The following JAKMIP1 variants were observed in gnomAD, a reference collection of about 807,000 sequenced individuals.
The protein encoded by JAKMIP1 is janus kinase and microtubule-interacting protein 1.
In JAKMIP1, 33 loss-of-function variants were observed where a neutral mutation model predicts 113.0. The ratio of observed to expected loss-of-function variants is 0.29; its 90% CI spans 0.22 to 0.39. JAKMIP1 has a LOEUF of 0.39. Among genes scored for constraint, JAKMIP1 ranks in the 10% least tolerant of loss-of-function variants. The pLI is 1.00. For synonymous variants in JAKMIP1, 480 were observed against 459.9 expected (o/e 1.04, Z -0.56); for missense variants, 813 against 1,080.5 (o/e 0.75, Z 3.47).
intron 3 of JAKMIP1, among the ~76,000 whole-genome samples, chr4:6,098,611 GAAAGAA>G (rs71173405): frequency 0.043 from 5,991 of 137,944 alleles, 138 homozygotes; most frequent in South Asian, 0.055. Context: ...AGGAAGAAAA[GAAAGAA>G]AAAGAAAAAG....
rs1000544243 is a variant in JAKMIP1 at position 6,104,418 on chromosome 4, G to A, written c.624+1055C>T. On this transcript the variant is annotated intron_variant, in intron 3 of 20. Transcript: ENST00000409021. ...CACTGAATTGACCCTTTATTATTAAGAACTGTCCTTTTGTGTCTTTAGTAT... is the reference window on the plus strand; with the variant it reads ...CACTGAATTGACCCTTTATTATTAAAAACTGTCCTTTTGTGTCTTTAGTAT... Among the ~76,000 whole-genome samples, 7 of 152,276 alleles carry A rather than the reference G, an allele frequency of 4.6e-5. No homozygotes were observed. The East Asian group carries it at 1.4e-3, about 29-fold the overall frequency.
intron 16 of JAKMIP1, among the ~76,000 whole-genome samples, chr4:6,046,549 CTTGGGGAGG>C (rs991950586): frequency 4.1e-5 from 6 of 147,656 alleles, no homozygotes; most frequent in African/African-American, 1.5e-4. Flanking sequence ...GGCTGACCAG[CTTGGGGAGG>C]TTGGTGGTCA....
chr4:6,060,584 T>C lies in JAKMIP1; in HGVS notation c.1561-77A>G, dbSNP rs76103297. On this transcript the variant is annotated intron_variant, in intron 10 of 20. Coordinates refer to ENST00000409021, the MANE Select transcript of JAKMIP1 (RefSeq NM_001099433.2). ...GGAAGCGGAAAGCGTCATGCCCCAA[T>C]GCAAGCAATGCCTAGGGTCCTTATA... The C allele has an allele frequency of 2.0e-3, 2,018 of 1,034,236 alleles. 18 individuals carry two copies. In the African/African-American group the frequency reaches 0.027, roughly 14 times the overall value. 64.1% of individuals were successfully genotyped at this position (1,034,236 alleles called of 1,614,324 possible). A position where few individuals can be genotyped will look rare whatever the true frequency, so the allele number is the denominator to read the frequency against.
In JAKMIP1 at chr4:6,042,726, G is replaced by C. The variant is rs1321188491; in HGVS notation, c.2029-499C>G. On this transcript the variant is annotated intron_variant, in intron 16 of 20. Transcript: ENST00000409021. This position sits in a 1 kb window ranked among gnomAD's most constrained non-coding sequence, Gnocchi z 5.2. ...ATGGAGATTTGGAACCCAGCCTGCA[G>C]GATGCCAAAGCCACTGCCCTCATCC... 1.3e-5 allele frequency among the ~76,000 whole-genome samples: 2 copies of C among 152,084 alleles called. No individual in the cohort carries two copies. Among genetic ancestry groups the C allele is most frequent in the African/African-American group, 2.4e-5 (1 of 41,402 alleles).
rs1725381908 is a variant in JAKMIP1, at chr4:6,176,724, G to C, written c.-148+23529C>G. Reference sequence around the variant, plus strand: ...CAGCCTGTGTGGCCAGCAAGAAATTGGAGCCTATATCAAAGTGGTGGGAAA... The same window carrying C: ...CAGCCTGTGTGGCCAGCAAGAAATTCGAGCCTATATCAAAGTGGTGGGAAA... On this transcript the variant is annotated intron_variant, in intron 1 of 20. Transcript: ENST00000409021. This position sits in a 1 kb window ranked among gnomAD's most constrained non-coding sequence, Gnocchi z 5.5. 6.6e-6 allele frequency among the ~76,000 whole-genome samples: 1 copy of C among 152,174 alleles called. No homozygotes were observed. The highest frequency in any genetic ancestry group is 6.5e-5 in the Admixed American group (1 of 15,284).
At chr4:6,033,711 T>C (rs1178751420) in intron 19 of JAKMIP1, among the ~76,000 whole-genome samples, 3 of 152,186 alleles carry the variant, frequency 2.0e-5, no homozygotes, top group African/African-American at 7.2e-5. Context: ...GCTTTCCATA[T>C]ATAAACTTTA....
At chr4:6,095,239 G>A (rs1711546523) in intron 3 of JAKMIP1, among the ~76,000 whole-genome samples, 1 of 144,976 alleles carries the variant, frequency 6.9e-6, no homozygotes, top group Non-Finnish European at 1.5e-5. Context: ...AGAAAGGAAA[G>A]GAGCGAAGGA....
chr4:6,134,756 T>C (rs903889457), intron 1 of JAKMIP1, among the ~76,000 whole-genome samples: 1 of 152,206 alleles, frequency 6.6e-6, no homozygotes, highest in Non-Finnish European at 1.5e-5. Context: ...GTCCACACGA[T>C]GGTGCCACAA....
intron 8 of JAKMIP1, among the ~76,000 whole-genome samples, chr4:6,075,630 C>T (rs1463385981): frequency 6.6e-6 from 1 of 152,214 alleles, no homozygotes; most frequent in Non-Finnish European, 1.5e-5. Flanking sequence ...ATTAAAGTGA[C>T]CACACATCAC....
Position 6,141,406 on chromosome 4 carries a change from A to T in JAKMIP1, c.-147-28409T>A, listed in dbSNP as rs542972009. On this transcript the variant is annotated intron_variant, in intron 1 of 20. Coordinates refer to ENST00000409021, the MANE Select transcript of JAKMIP1 (RefSeq NM_001099433.2). The surrounding 1 kb of genome is among the most constrained non-coding windows in gnomAD (Gnocchi z 9.4). Reference sequence around the variant, plus strand: ...AGCCGAGATCCTGCTACTGCACCCCAGCCTGGGCGACAGAGTGAAACCCTG... The same window carrying T: ...AGCCGAGATCCTGCTACTGCACCCCTGCCTGGGCGACAGAGTGAAACCCTG... 3.0e-4 allele frequency among the ~76,000 whole-genome samples: 46 copies of T among 151,842 alleles called. No homozygotes were observed. Among genetic ancestry groups the T allele is most frequent in the Admixed American group, 2.2e-3 (33 of 15,292 alleles).
In JAKMIP1 at chr4:6,064,917, T is replaced by C. The variant is rs777455755; in HGVS notation, c.1394A>G (p.Asp465Gly). 1 of 1,614,142 alleles carries C rather than the reference T, an allele frequency of 6.2e-7. No homozygotes were observed. Among genetic ancestry groups the C allele is most frequent in the Admixed American group, 1.7e-5 (1 of 60,004 alleles). The change falls in exon 9 of 21, where the codon GAC (aspartate) becomes GGC (glycine). Residue 465 changes from aspartate (D) to glycine (G), a missense_variant. Asp to Gly is a moderately conservative substitution (Grantham distance 94). Around this residue, in one of 2 missense-constraint regions of JAKMIP1, gnomAD observed 540 missense variants for 653.9 expected, o/e 0.83. Transcript: ENST00000409021. This position sits in a 1 kb window ranked among gnomAD's most constrained non-coding sequence, Gnocchi z 4.3. Reference sequence around the variant, plus strand: ...TTCTTCGGGCGTGGCTGGGGTCCTGTCTGTCCTGTCTGTGTTGTAGGATGT... The same window carrying C: ...TTCTTCGGGCGTGGCTGGGGTCCTGCCTGTCCTGTCTGTGTTGTAGGATGT... ...SETSYNTDRT[D>G]RTPATPEEDL...
At chr4:6,128,573 G>T (rs112992996) in intron 1 of JAKMIP1, among the ~76,000 whole-genome samples, 7 of 152,030 alleles carry the variant, frequency 4.6e-5, no homozygotes, top group African/African-American at 1.4e-4. Flanking sequence ...GAAAAAAAAT[G>T]AACGGATCCA....
At position 6,193,487 on chromosome 4, in the gene JAKMIP1, G is replaced by T. The variant is rs1727509678; in HGVS notation, c.-148+6766C>A. 6.6e-6 allele frequency among the ~76,000 whole-genome samples: 1 copy of T among 152,188 alleles called. No homozygotes were observed. Among genetic ancestry groups the T allele is most frequent in the South Asian group, 2.1e-4 (1 of 4,830 alleles). On this transcript the variant is annotated intron_variant, in intron 1 of 20. Coordinates refer to ENST00000409021, the MANE Select transcript of JAKMIP1 (RefSeq NM_001099433.2). The surrounding 1 kb of genome is among the most constrained non-coding windows in gnomAD (Gnocchi z 6.4). ...AGAAGCCAGTCTGGGCCAGGGTAGG[G>T]ATGAACATTCCAGGCAGCAAGCAGC...
At chr4:6,072,782 T>G in intron 8 of JAKMIP1, among the ~76,000 whole-genome samples, 1 of 152,128 alleles carries the variant, frequency 6.6e-6, no homozygotes, top group East Asian at 1.9e-4. Flanking sequence ...TGGGTAGCTT[T>G]GGCAAAACTT....
At chr4:6,189,174 G>A (rs1393061432) in intron 1 of JAKMIP1, among the ~76,000 whole-genome samples, 2 of 152,178 alleles carry the variant, frequency 1.3e-5, no homozygotes, top group African/African-American at 4.8e-5. Flanking sequence ...GTGACCTTCC[G>A]GGACCACAGG....
intron 1 of JAKMIP1, among the ~76,000 whole-genome samples, chr4:6,196,456 C>A (rs1727856836): frequency 6.6e-6 from 1 of 152,232 alleles, no homozygotes; most frequent in South Asian, 2.1e-4. Context: ...AGTCAGGATG[C>A]TGTGGTCCCA....
chr4:6,145,526 C>T (rs1381510968), intron 1 of JAKMIP1, among the ~76,000 whole-genome samples: 2 of 151,992 alleles, frequency 1.3e-5, no homozygotes, highest in African/African-American at 4.8e-5. Context: ...CCCAGAATTC[C>T]ACTTCTGGGT....
chr4:6,149,457 C>T (rs1193007965), intron 1 of JAKMIP1, among the ~76,000 whole-genome samples: 1 of 152,102 alleles, frequency 6.6e-6, no homozygotes, highest in African/African-American at 2.4e-5. Flanking sequence ...AGTGGAGTCC[C>T]AGTGAAATCT....
rs1398435649 is a variant in JAKMIP1 at position 6,181,442 on chromosome 4, T to C, written c.-148+18811A>G. Among the ~76,000 whole-genome samples the C allele has an allele frequency of 2.0e-5, 3 of 152,048 alleles. No individual in the cohort carries two copies. The highest frequency in any genetic ancestry group is 6.5e-5 in the Admixed American group (1 of 15,274). On this transcript the variant is annotated intron_variant, in intron 1 of 20. Coordinates refer to ENST00000409021, the MANE Select transcript of JAKMIP1 (RefSeq NM_001099433.2). The surrounding 1 kb of genome is among the most constrained non-coding windows in gnomAD (Gnocchi z 5.4). ...AGCTCAGTACAGAAGGAAGTCCTTC[T>C]CAGGTGCAGACATTTGCAGAGTCCC...
Sources: allele counts gnomAD v4.1 joint callset (sites outside exome capture counted in the v4.1 genomes callset), GRCh38; gene constraint gnomAD v4.1.1; regional missense constraint gnomAD v4.1.1; non-coding constraint Gnocchi (gnomAD v3.1); transcripts MANE v1.5; gene names NCBI Gene and HGNC (gene_info 2026-07-23, HGNC 2026-07-21).